The following IL1RAPL1 variants were observed in gnomAD, a reference collection of about 807,000 sequenced individuals.
IL1RAPL1 encodes the protein interleukin-1 receptor accessory protein-like 1.
In IL1RAPL1, 3 loss-of-function variants were observed where a neutral mutation model predicts 48.4. That is an observed-to-expected ratio of 0.06 (90% CI 0.03 to 0.16). IL1RAPL1 has a LOEUF of 0.16. IL1RAPL1 is among the 10% of genes least tolerant of loss of function. The pLI is 1.00. For synonymous variants in IL1RAPL1, 185 were observed against 187.7 expected (o/e 0.99, Z 0.12); for missense variants, 349 against 530.6 (o/e 0.66, Z 3.36).
chrX:29,787,257 G>C (rs959783861), intron 6 of IL1RAPL1, among the ~76,000 whole-genome samples: 1 of 111,248 alleles, frequency 9.0e-6, no homozygotes, highest in Non-Finnish European at 1.9e-5. Flanking sequence ...TGGAGGATGA[G>C]GGGGCTGGAG....
chrX:29,590,264 A>G (rs1047743565), intron 5 of IL1RAPL1, among the ~76,000 whole-genome samples: 1 of 111,701 alleles, frequency 9.0e-6, no homozygotes, highest in Non-Finnish European at 1.9e-5. Context: ...TCACCATGAT[A>G]TTTGGGTGGG....
At chrX:29,545,900 A>T (rs757949464) in intron 5 of IL1RAPL1, among the ~76,000 whole-genome samples, 1 of 111,828 alleles carries the variant, frequency 8.9e-6, no homozygotes, top group Non-Finnish European at 1.9e-5. Flanking sequence ...GATAAAGTCT[A>T]TTTTTCTCCC....
chrX:28,920,528 A>T (rs2147337151), intron 2 of IL1RAPL1, among the ~76,000 whole-genome samples: 1 of 111,841 alleles, frequency 8.9e-6, no homozygotes, highest in South Asian at 3.8e-4. Context: ...CAGCAGGAAA[A>T]AAAAATAGTC....
At chrX:28,832,089 A>C (rs73631607) in intron 2 of IL1RAPL1, among the ~76,000 whole-genome samples, 2,996 of 111,271 alleles carry the variant, frequency 0.027, 100 homozygotes, top group African/African-American at 0.092. Context: ...ACAAACATTT[A>C]TTTCTTTATG....
intron 2 of IL1RAPL1, among the ~76,000 whole-genome samples, chrX:28,840,846 G>A (rs1176096487): frequency 9.1e-6 from 1 of 110,243 alleles, no homozygotes; most frequent in African/African-American, 3.3e-5. Flanking sequence ...GAGCTGTGGG[G>A]AAACCTTAGG....
chrX:29,631,817 G>T (rs755862324), intron 5 of IL1RAPL1, among the ~76,000 whole-genome samples: 97 of 110,731 alleles, frequency 8.8e-4, no homozygotes, highest in Non-Finnish European at 1.5e-3. Context: ...TAATAAAATA[G>T]TTCAGTTGAT....
intron 3 of IL1RAPL1, among the ~76,000 whole-genome samples, chrX:29,333,528 G>A (rs1932917440): frequency 3.2e-5 from 3 of 94,843 alleles, no homozygotes; most frequent in Admixed American, 2.1e-4. Flanking sequence ...TGGCCAGGCG[G>A]GGGGCTGATC....
chrX:28,787,961 G>A (rs1457173092), intron 1 of IL1RAPL1, among the ~76,000 whole-genome samples: 2 of 111,796 alleles, frequency 1.8e-5, no homozygotes, highest in East Asian at 5.6e-4. Context: ...AAAAGAAGCA[G>A]AGAGTAGAAT....
chrX:28,898,550 A>G (rs780081978), intron 2 of IL1RAPL1, among the ~76,000 whole-genome samples: 5 of 111,060 alleles, frequency 4.5e-5, no homozygotes, highest in Admixed American at 2.9e-4. Context: ...CCTGGGCTCA[A>G]GCAGTCCTAC....
At chrX:29,952,549 T>C (rs1209383565) in intron 9 of IL1RAPL1, among the ~76,000 whole-genome samples, 1 of 112,145 alleles carries the variant, frequency 8.9e-6, no homozygotes, top group Non-Finnish European at 1.9e-5. Context: ...TTTAATTAAT[T>C]ATTAACCGAT....
chrX:29,543,938 G>A (rs1164472746), intron 5 of IL1RAPL1, among the ~76,000 whole-genome samples: 1 of 111,410 alleles, frequency 9.0e-6, no homozygotes, highest in Non-Finnish European at 1.9e-5. Flanking sequence ...TTAACATTGG[G>A]TTTCAAAATC....
chrX:29,902,877 G>A (rs957613399), intron 6 of IL1RAPL1, among the ~76,000 whole-genome samples: 3 of 111,300 alleles, frequency 2.7e-5, no homozygotes, highest in Non-Finnish European at 5.7e-5. Context: ...CTGAATTATG[G>A]TTAGCAAATT....
At position 28,756,774 on chromosome X, in the gene IL1RAPL1, G is replaced by C. The variant is rs370638533; in HGVS notation, c.-24-32546G>C. ...GAACTGCTGCATGATGTGTACCCTG[G>C]ATCCATTCCAAATTGAATTAATAAG... On this transcript the variant is annotated intron_variant, in intron 1 of 10. Transcript: ENST00000378993. Among the ~76,000 whole-genome samples, 24 of 111,626 alleles carry C rather than the reference G, an allele frequency of 2.2e-4. No homozygotes were observed. In the South Asian group the frequency reaches 7.9e-3, roughly 37 times the overall value.
intron 2 of IL1RAPL1, among the ~76,000 whole-genome samples, chrX:28,807,735 G>T (rs1379484314): frequency 9.0e-6 from 1 of 111,179 alleles, no homozygotes; most frequent in African/African-American, 3.3e-5. Flanking sequence ...TACGCCATTT[G>T]TTCTCCTATT....
At chrX:29,665,100 C>T (rs1350296434) in intron 5 of IL1RAPL1, among the ~76,000 whole-genome samples, 1 of 112,375 alleles carries the variant, frequency 8.9e-6, no homozygotes, top group Non-Finnish European at 1.9e-5. Flanking sequence ...AGAGAAAAAT[C>T]TCTACTATAA....
intron 6 of IL1RAPL1, among the ~76,000 whole-genome samples, chrX:29,840,349 A>G (rs1358495415): frequency 8.9e-6 from 1 of 111,775 alleles, no homozygotes; most frequent in Admixed American, 9.5e-5. Context: ...ATCTGTGGAT[A>G]ATAGATCATT....
At chrX:28,737,205 CTCTTTCTTTCTTTCTT>C (rs762616408) in intron 1 of IL1RAPL1, among the ~76,000 whole-genome samples, 1,517 of 50,244 alleles carry the variant, frequency 0.03, 35 homozygotes, top group East Asian at 0.054. Flanking sequence ...TTCTTTCTTT[CTCTTTCTTTCTTTCTT>C]TCTTTCTTTC....
intron 1 of IL1RAPL1, among the ~76,000 whole-genome samples, chrX:28,603,718 G>A (rs1270684020): frequency 1.8e-5 from 2 of 112,016 alleles, no homozygotes; most frequent in Non-Finnish European, 3.8e-5. Context: ...AGAATCTCCC[G>A]AGGTGTCCTG....
chrX:29,605,261 G>A (rs1169351510), intron 5 of IL1RAPL1, among the ~76,000 whole-genome samples: 2 of 111,097 alleles, frequency 1.8e-5, no homozygotes, highest in Non-Finnish European at 3.8e-5. Context: ...ATCACAGAAT[G>A]GAAGGAAGCC....
Sources: allele counts gnomAD v4.1 joint callset (sites outside exome capture counted in the v4.1 genomes callset), GRCh38; gene constraint gnomAD v4.1.1; transcripts MANE v1.5; gene names NCBI Gene and HGNC (gene_info 2026-07-23, HGNC 2026-07-21).